Variants in FLT4 observed in about 807,000 individuals in gnomAD.
FLT4 encodes the protein fms related receptor tyrosine kinase 4.
Under a neutral mutation model 163.2 loss-of-function variants are expected in FLT4, and 30 were observed. The ratio of observed to expected loss-of-function variants is 0.18; its 90% CI spans 0.14 to 0.25. The LOEUF is 0.25. Among genes scored for constraint, FLT4 ranks in the 10% least tolerant of loss-of-function variants. FLT4 has a pLI of 1.00. For missense variants in FLT4, 1,510 were observed against 1,863.8 expected (o/e 0.81, Z 3.50); for synonymous variants, 884 against 789.5 (o/e 1.12, Z -2.01).
intron 29 of FLT4, among the ~76,000 whole-genome samples, chr5:180,604,584 T>C (rs1761691098): frequency 6.6e-6 from 1 of 152,126 alleles, no homozygotes; most frequent in African/African-American, 2.4e-5. Context: ...ACGAAGCAAA[T>C]CCAGGCCTCT....
At position 180,630,489 on chromosome 5, in the gene FLT4, C is replaced by T; in HGVS notation, c.400+66G>A. 2 of 1,604,676 alleles carry T rather than the reference C, an allele frequency of 1.2e-6. No homozygotes were observed. Among genetic ancestry groups the T allele is most frequent in the Non-Finnish European group, 1.7e-6 (2 of 1,176,446 alleles). On this transcript the variant is annotated intron_variant, in intron 3 of 29. Transcript: ENST00000261937. The surrounding 1 kb of genome is among the most constrained non-coding windows in gnomAD (Gnocchi z 6.3). ...CTCCTGCCAGCCCAGGGTCCACAGG[C>T]TGGGGGCGGTGTGGGCCCCAGCTGC... is the stretch of plus-strand genomic sequence containing the variant.
At position 180,621,195 on chromosome 5, in the gene FLT4, T is replaced by C. The variant is rs1763114699; in HGVS notation, c.2078A>G (p.Asp693Gly). 2 of 1,612,650 alleles carry C rather than the reference T, an allele frequency of 1.2e-6. No individual in the cohort carries two copies. Among genetic ancestry groups the C allele is most frequent in the Non-Finnish European group, 1.7e-6 (2 of 1,179,942 alleles). Residue 693 changes from aspartate to glycine, a missense_variant, in exon 14 of 30, where the codon GAC becomes GGC. Physicochemically the swap from Asp to Gly is moderately conservative, Grantham distance 94. Transcript: ENST00000261937. Reference sequence around the variant, plus strand: ...CACCAAGCACTGCATCTCCAGCGAGTCGCTCACGTTCACCAGGAGGTCGGT... The same window carrying C: ...CACCAAGCACTGCATCTCCAGCGAGCCGCTCACGTTCACCAGGAGGTCGGT... Reference protein sequence around the residue: ...NLTDLLVNVSDSLEMQCLVAG... With the variant: ...NLTDLLVNVSGSLEMQCLVAG...
chr5:180,620,497 G>C lies in FLT4; in HGVS notation c.2406+112C>G. The C allele has an allele frequency of 8.4e-7, 1 of 1,194,470 alleles. No individual in the cohort carries two copies. The highest frequency in any genetic ancestry group is 1.2e-6 in the Non-Finnish European group (1 of 812,860). 74.0% of individuals were successfully genotyped at this position (1,194,470 alleles called of 1,614,324 possible). A position where few individuals can be genotyped will look rare whatever the true frequency, so the allele number is the denominator to read the frequency against. ...CGTGAAGGGCAGGGAGGCTTCCCAG[G>C]AAACAAGGCTGCCAGGTGAACTAGG... is the stretch of plus-strand genomic sequence containing the variant. On this transcript the variant is annotated intron_variant, in intron 16 of 29. Coordinates refer to ENST00000261937, the MANE Select transcript of FLT4 (RefSeq NM_182925.5). This position sits in a 1 kb window ranked among gnomAD's most constrained non-coding sequence, Gnocchi z 4.4.
chr5:180,602,919 A>G lies in FLT4; in HGVS notation c.*273T>C. 1 of 588,240 alleles carries G rather than the reference A, an allele frequency of 1.7e-6. No homozygotes were observed. Among genetic ancestry groups the G allele is most frequent in the Non-Finnish European group, 3.0e-6 (1 of 330,234 alleles). 36.4% of individuals were successfully genotyped at this position (588,240 alleles called of 1,614,324 possible). On this transcript the variant is annotated 3_prime_UTR_variant, in exon 30 of 30. Coordinates refer to ENST00000261937, the MANE Select transcript of FLT4 (RefSeq NM_182925.5). Reference sequence around the variant, plus strand: ...CCATGGAAGTGCTGGCCCCGGGACCAGCACCTGCGGATGCTGAACTAAATG... The same window carrying G: ...CCATGGAAGTGCTGGCCCCGGGACCGGCACCTGCGGATGCTGAACTAAATG...
In FLT4 at chr5:180,623,296, C is replaced by A. The variant is rs1245401553; in HGVS notation, c.1549-457G>T. ...ATGGCCTCCTCAGCCCAGAACTGTC[C>A]TCAGCAGCAATCCCGAGGCCCAGGG... On this transcript the variant is annotated intron_variant, in intron 11 of 29. Transcript: ENST00000261937. This position sits in a 1 kb window ranked among gnomAD's most constrained non-coding sequence, Gnocchi z 5.8. Among the ~76,000 whole-genome samples the A allele has an allele frequency of 6.6e-6, 1 of 152,120 alleles. No individual in the cohort carries two copies. The highest frequency in any genetic ancestry group is 1.5e-5 in the Non-Finnish European group (1 of 68,006).
At chr5:180,632,149 G>A (rs1764226589) in intron 1 of FLT4, among the ~76,000 whole-genome samples, 1 of 152,058 alleles carries the variant, frequency 6.6e-6, no homozygotes, top group Admixed American at 6.5e-5. Context: ...CTGCAGTGCT[G>A]CTGCCTGAGG....
chr5:180,643,261 C>G (rs183078453), intron 1 of FLT4, among the ~76,000 whole-genome samples: 1 of 152,344 alleles, frequency 6.6e-6, no homozygotes, highest in Non-Finnish European at 1.5e-5. Context: ...TGCCTCCATT[C>G]TGAGCTGAAA....
In FLT4 at chr5:180,629,845, C is replaced by G; in HGVS notation, c.677-10G>C. 1.2e-6 allele frequency: 2 copies of G among 1,612,540 alleles called. No homozygotes were observed. The highest frequency in any genetic ancestry group is 1.7e-6 in the Non-Finnish European group (2 of 1,179,852). On this transcript the variant is annotated splice_polypyrimidine_tract_variant and intron_variant, in intron 5 of 29. Transcript: ENST00000261937. ...TCATAGAGCTCGTTGCCTGTTGACA[C>G]GCACACAGTGACTCCCACGCCCTCA...
Position 180,620,480 on chromosome 5 carries a change from G to C in FLT4, c.2406+129C>G, listed in dbSNP as rs2127811537. 8.5e-7 allele frequency: 1 copy of C among 1,181,428 alleles called. No homozygotes were observed. Among genetic ancestry groups the C allele is most frequent in the Non-Finnish European group, 1.2e-6 (1 of 800,634 alleles). 73.2% of individuals were successfully genotyped at this position (1,181,428 alleles called of 1,614,324 possible). A position where few individuals can be genotyped will look rare whatever the true frequency, so the allele number is the denominator to read the frequency against. ...GCGGGGTTGGAGCCCAGCGTGAAGG[G>C]CAGGGAGGCTTCCCAGGAAACAAGG... On this transcript the variant is annotated intron_variant, in intron 16 of 29. Coordinates refer to ENST00000261937, the MANE Select transcript of FLT4 (RefSeq NM_182925.5). This position sits in a 1 kb window ranked among gnomAD's most constrained non-coding sequence, Gnocchi z 4.4.
intron 29 of FLT4, among the ~76,000 whole-genome samples, chr5:180,605,264 AATCT>A (rs950994105): frequency 2.6e-5 from 4 of 152,186 alleles, no homozygotes; most frequent in Non-Finnish European, 4.4e-5. Flanking sequence ...TGCCTGGCCG[AATCT>A]ATCTTTTATT....
At position 180,602,476 on chromosome 5, in the gene FLT4, C is replaced by A. The variant is rs1172012726; in HGVS notation, c.*716G>T. ...CTGAATTCGGAAAGCAAATTCTTCTCAGCAGCTCTAACAGTCTGTGAAGTT... is the reference window on the plus strand; with the variant it reads ...CTGAATTCGGAAAGCAAATTCTTCTAAGCAGCTCTAACAGTCTGTGAAGTT... On this transcript the variant is annotated 3_prime_UTR_variant, in exon 30 of 30. Transcript: ENST00000261937. 4 of 397,566 alleles carry A rather than the reference C, an allele frequency of 1.0e-5. No homozygotes were observed. The highest frequency in any genetic ancestry group is 6.2e-4 in the Middle Eastern group (1 of 1,606). 24.6% of individuals were successfully genotyped at this position (397,566 alleles called of 1,614,324 possible).
At chr5:180,644,976 A>G (rs1765408603) in intron 1 of FLT4, among the ~76,000 whole-genome samples, 1 of 152,202 alleles carries the variant, frequency 6.6e-6, no homozygotes, top group African/African-American at 2.4e-5. Flanking sequence ...AGTCTCCCAA[A>G]GGGCACGTCC....
At position 180,618,915 on chromosome 5, in the gene FLT4, C is replaced by T; in HGVS notation, c.2856G>A (p.Lys952=). 1 of 1,585,692 alleles carries T rather than the reference C, an allele frequency of 6.3e-7. No individual in the cohort carries two copies. Among genetic ancestry groups the T allele is most frequent in the Non-Finnish European group, 8.6e-7 (1 of 1,166,872 alleles). ...GGAAGCGTCCGCGCTGCTCGGGAGA[C>T]TTCTCCTGCGGATGCACGAAGCTGG... ...KRDAFSPCAE[K]SPEQRGRFRA... The change falls in exon 21 of 30, where the codon AAG becomes AAA. Residue 952 remains lysine, a synonymous_variant. Coordinates refer to ENST00000261937, the MANE Select transcript of FLT4 (RefSeq NM_182925.5).
Position 180,603,325 on chromosome 5 carries a change from C to G in FLT4, c.3959G>C (p.Arg1320Pro). The change falls in exon 30 of 30, where the codon CGG (arginine) becomes CCG (proline). Residue 1320 changes from arginine (R) to proline (P), a missense_variant. Physicochemically the swap from Arg to Pro is moderately radical, Grantham distance 103. Transcript: ENST00000261937. ...RAHPDSQGRR[R>P]RPERGARGGQ... ...TCCTCGGGCCCCCCGCTCAGGCCGCCGCCGCCTCCCTTGGGAGTCAGGGTG... is the reference window on the plus strand; with the variant it reads ...TCCTCGGGCCCCCCGCTCAGGCCGCGGCCGCCTCCCTTGGGAGTCAGGGTG... The G allele has an allele frequency of 6.2e-7, 1 of 1,613,942 alleles. No homozygotes were observed. The highest frequency in any genetic ancestry group is 8.5e-7 in the Non-Finnish European group (1 of 1,179,938).
Position 180,647,328 on chromosome 5 carries a change from G to A in FLT4, c.58+2160C>T, listed in dbSNP as rs1456140028. Reference sequence around the variant, plus strand: ...CACACACAACCCACACAACCTCGGGGCTTGCCAGCTTGTGCCATGGCTATG... The same window carrying A: ...CACACACAACCCACACAACCTCGGGACTTGCCAGCTTGTGCCATGGCTATG... On this transcript the variant is annotated intron_variant, in intron 1 of 29. Transcript: ENST00000261937. Among the ~76,000 whole-genome samples, 6 of 152,130 alleles carry A rather than the reference G, an allele frequency of 3.9e-5. No individual in the cohort carries two copies. In the South Asian group the frequency reaches 6.2e-4, roughly 16 times the overall value.
chr5:180,631,914 C>T (rs976707639), intron 1 of FLT4, 136 bp from the exon 2 acceptor site: 13 of 679,254 alleles, frequency 1.9e-5, no homozygotes, highest in Non-Finnish European at 2.9e-5. Context: ...GCCAGCACCG[C>T]GTGGCCTGGC....
In FLT4 at chr5:180,629,337, G is replaced by A. The variant is rs1763899728; in HGVS notation, c.907C>T (p.His303Tyr). The A allele has an allele frequency of 6.2e-7, 1 of 1,613,264 alleles. No individual in the cohort carries two copies. The highest frequency in any genetic ancestry group is 1.3e-5 in the African/African-American group (1 of 75,066). Reference sequence around the variant, plus strand: ...TTGCACACATACGAGCCCAGGTCGTGCTGGCTGACGTTGTGGATGGTCAGG... The same window carrying A: ...TTGCACACATACGAGCCCAGGTCGTACTGGCTGACGTTGTGGATGGTCAGG... ...SILTIHNVSQHDLGSYVCKAN... is the reference protein window; with the variant it reads ...SILTIHNVSQYDLGSYVCKAN... Residue 303 changes from histidine to tyrosine, a missense_variant, in exon 7 of 30, where the codon CAC becomes TAC. This residue lies in a region of FLT4 where 163 missense variants were observed against 281.1 expected (regional missense o/e 0.58). Coordinates refer to ENST00000261937, the MANE Select transcript of FLT4 (RefSeq NM_182925.5).
chr5:180,616,408 G>C lies in FLT4; in HGVS notation c.3178C>G (p.Arg1060Gly). 6.2e-7 allele frequency: 1 copy of C among 1,614,002 alleles called. No individual in the cohort carries two copies. The highest frequency in any genetic ancestry group is 8.5e-7 in the Non-Finnish European group (1 of 1,180,002). ...TAGTCGGGGTCTTTGTAGATGTCCC[G>C]GGCAAGGCCAAAGTCACAGATCTTC... ...VVKICDFGLA[R>G]DIYKDPDYVR... Residue 1060 changes from arginine to glycine, a missense_variant, in exon 23 of 30, where the codon CGG (arginine) becomes GGG (glycine). Transcript: ENST00000261937.
Position 180,603,149 on chromosome 5 carries a change from C to G in FLT4, c.*43G>C. On this transcript the variant is annotated 3_prime_UTR_variant, in exon 30 of 30. Coordinates refer to ENST00000261937, the MANE Select transcript of FLT4 (RefSeq NM_182925.5). ...GCCTCCAGCCCTCTGCCCGCCCTGC[C>G]GGGCCTGAACCCCCAAGTGCTGGGG... is the stretch of plus-strand genomic sequence containing the variant. The G allele has an allele frequency of 6.2e-7, 1 of 1,601,146 alleles. No individual in the cohort carries two copies. Among genetic ancestry groups the G allele is most frequent in the Non-Finnish European group, 8.5e-7 (1 of 1,169,862 alleles).
Sources: allele counts gnomAD v4.1 joint callset (sites outside exome capture counted in the v4.1 genomes callset), GRCh38; gene constraint gnomAD v4.1.1; regional missense constraint gnomAD v4.1.1; non-coding constraint Gnocchi (gnomAD v3.1); transcripts MANE v1.5; gene names NCBI Gene and HGNC (gene_info 2026-07-23, HGNC 2026-07-21).